The following LRRK2 variants were observed in gnomAD, a reference collection of about 807,000 sequenced individuals.
The protein encoded by LRRK2 is leucine rich repeat kinase 2, also known as leucine-rich repeat serine/threonine-protein kinase 2.
A neutral mutation model predicts 302.6 loss-of-function variants in LRRK2; 203 were observed. The observed-to-expected ratio is 0.67, with a 90% confidence interval of 0.60 to 0.75. The LOEUF (loss-of-function observed/expected upper bound fraction) is 0.75. Ranked by LOEUF, LRRK2 falls within the 30% of genes least tolerant of loss-of-function variation. The pLI, the probability that LRRK2 is intolerant of heterozygous loss-of-function variation, is 0.00. For synonymous variants in LRRK2, 1,066 were observed against 1,031.9 expected (o/e 1.03, Z -0.63); for missense variants, 2,830 against 2,951.0 (o/e 0.96, Z 0.95).
chr12:40,303,641 T>C (rs2136779689), intron 26 of LRRK2, among the ~76,000 whole-genome samples: 1 of 152,200 alleles, frequency 6.6e-6, no homozygotes, highest in African/African-American at 2.4e-5. Context: ...CGTCTAGCTT[T>C]AGAATGTGTT....
intron 18 of LRRK2, among the ~76,000 whole-genome samples, chr12:40,280,789 G>A (rs939815116): frequency 8.6e-5 from 13 of 151,338 alleles, no homozygotes; most frequent in Admixed American, 2.6e-4. Context: ...CCAACCGGTC[G>A]GGTGCGGTGG....
At chr12:40,322,234 T>G (rs1945424401) in intron 36 of LRRK2, 53 bp downstream of exon 36, 36 of 1,568,372 alleles carry the variant, frequency 2.3e-5, no homozygotes, top group Non-Finnish European at 3.0e-5. Context: ...AAATTTAAAC[T>G]TAAAAAAAAA....
At position 40,295,497 on chromosome 12, in the gene LRRK2, T is replaced by C; in HGVS notation, c.2949T>C (p.Tyr983=). The C allele has an allele frequency of 1.2e-6, 2 of 1,613,924 alleles. No individual in the cohort carries two copies. The highest frequency in any genetic ancestry group is 1.7e-6 in the Non-Finnish European group (2 of 1,179,982). Residue 983 remains tyrosine, a synonymous_variant, in exon 23 of 51, where the codon TAT becomes TAC. Transcript: ENST00000298910. ...CTTCTCTGGCTTCTGAGAGAGAATA[T>C]ATTACATCACTAGACCTTTCAGCAA... The part of the protein sequence containing the change: ...SISSLASERE[Y]ITSLDLSANE...
At chr12:40,346,489 G>T (rs888811672) in intron 41 of LRRK2, among the ~76,000 whole-genome samples, 2 of 152,048 alleles carry the variant, frequency 1.3e-5, no homozygotes, top group Non-Finnish European at 2.9e-5. Flanking sequence ...TATCATTCAA[G>T]GTAATTTTAT....
intron 4 of LRRK2, 34 bp from the exon 5 acceptor site, chr12:40,237,935 C>A: frequency 3.1e-6 from 5 of 1,598,742 alleles, no homozygotes; most frequent in Non-Finnish European, 4.3e-6. Context: ...TAAAGCAGCT[C>A]TTTACTCAGA....
chr12:40,319,957 T>C lies in LRRK2; in HGVS notation c.4828-31T>C, dbSNP rs1896252. ...TTTGCAACATTTCAGAAAATAAATTTTAGTGATTATTTATGACTCGAATCT... is the reference window on the plus strand; with the variant it reads ...TTTGCAACATTTCAGAAAATAAATTCTAGTGATTATTTATGACTCGAATCT... On this transcript the variant is annotated intron_variant, in intron 33 of 50. Coordinates refer to ENST00000298910, the MANE Select transcript of LRRK2 (RefSeq NM_198578.4). 0.56 allele frequency: 875,328 copies of C among 1,574,482 alleles called. 245,767 individuals are homozygous for C. Among genetic ancestry groups the C allele is most frequent in the South Asian group, 0.69 (59,625 of 86,672 alleles).
intron 39 of LRRK2, among the ~76,000 whole-genome samples, chr12:40,334,234 C>G (rs79871880): frequency 0.018 from 2,695 of 152,178 alleles, 81 homozygotes; most frequent in African/African-American, 0.061. Context: ...TTTGACGTGG[C>G]CTGTTAGTAT....
At chr12:40,320,291 T>C in intron 34 of LRRK2, 116 bp downstream of exon 34, 1 of 879,544 alleles carries the variant, frequency 1.1e-6, no homozygotes, top group Non-Finnish European at 1.7e-6. Context: ...ATATTTTGCT[T>C]CTAGTGTAAA....
chr12:40,315,336 G>A (rs1322114638), intron 33 of LRRK2, 36 bp downstream of exon 33: 2 of 1,524,988 alleles, frequency 1.3e-6, no homozygotes, highest in Non-Finnish European at 1.8e-6. Flanking sequence ...CGGGGGTTAT[G>A]GTCAAAGCAT....
chr12:40,313,696 TC>T (rs397720986), intron 31 of LRRK2, among the ~76,000 whole-genome samples: 1 of 151,948 alleles, frequency 6.6e-6, no homozygotes, highest in African/African-American at 2.4e-5. Context: ...TGTTTTTTTT[TC>T]CATGGAATTT....
chr12:40,264,842 A>G (rs1942939887), intron 14 of LRRK2, among the ~76,000 whole-genome samples: 1 of 152,222 alleles, frequency 6.6e-6, no homozygotes, highest in Non-Finnish European at 1.5e-5. Context: ...AAATTGTGTA[A>G]TGCAAAAAGT....
chr12:40,340,429 G>T lies in LRRK2; in HGVS notation c.6084G>T (p.Gly2028=), dbSNP rs773715764. Residue 2028 remains glycine, a synonymous_variant, in exon 41 of 51, where the codon GGG becomes GGT. Transcript: ENST00000298910. ...TTGCTCAGTACTGCTGTAGAATGGG[G>T]ATAAAAACATCAGAGGGCACACCAG... ...YGIAQYCCRM[G]IKTSEGTPGF... 3 of 1,613,700 alleles carry T rather than the reference G, an allele frequency of 1.9e-6. No individual in the cohort carries two copies. In the African/African-American group the frequency reaches 4.0e-5, roughly 22 times the overall value.
chr12:40,272,450 G>A (rs1338756688), intron 14 of LRRK2, among the ~76,000 whole-genome samples: 2 of 152,190 alleles, frequency 1.3e-5, no homozygotes, highest in Non-Finnish European at 2.9e-5. Context: ...ACAATAGTGT[G>A]TCGACATCAC....
At chr12:40,261,096 G>A (rs1351876606) in intron 13 of LRRK2, among the ~76,000 whole-genome samples, 1 of 151,934 alleles carries the variant, frequency 6.6e-6, no homozygotes, top group Non-Finnish European at 1.5e-5. Flanking sequence ...ATTGAATCAT[G>A]GTGTCCTATT....
At chr12:40,343,191 C>T (rs1231869571) in intron 41 of LRRK2, among the ~76,000 whole-genome samples, 1 of 152,154 alleles carries the variant, frequency 6.6e-6, no homozygotes, top group African/African-American at 2.4e-5. Context: ...TGTCTGTCCA[C>T]ATTTTGAAGA....
intron 38 of LRRK2, among the ~76,000 whole-genome samples, chr12:40,327,179 A>G (rs1945578969): frequency 6.6e-6 from 1 of 152,158 alleles, no homozygotes; most frequent in Non-Finnish European, 1.5e-5. Context: ...GGGGCTGATC[A>G]TGGTCAGTTT....
intron 14 of LRRK2, among the ~76,000 whole-genome samples, chr12:40,272,308 A>G (rs547774426): frequency 1.3e-5 from 2 of 152,300 alleles, no homozygotes; most frequent in East Asian, 3.9e-4. Flanking sequence ...GGCCTTGAAT[A>G]TCTGAATTTA....
intron 5 of LRRK2, among the ~76,000 whole-genome samples, chr12:40,239,920 C>T (rs1315560264): frequency 1.3e-5 from 2 of 152,134 alleles, no homozygotes; most frequent in African/African-American, 4.8e-5. Flanking sequence ...AACAATGACT[C>T]CAAATGGAAC....
At chr12:40,255,177 T>C (rs2136496891) in intron 11 of LRRK2, among the ~76,000 whole-genome samples, 2 of 152,170 alleles carry the variant, frequency 1.3e-5, no homozygotes, top group East Asian at 3.9e-4. Flanking sequence ...GTTTAAACTG[T>C]AGTAGGGAAG....
Sources: gnomAD v4.1 joint callset for allele counts (sites outside exome capture counted in the v4.1 genomes callset) on GRCh38, gnomAD v4.1.1 for gene constraint, MANE v1.5 for transcripts, NCBI Gene and HGNC (gene_info 2026-07-23, HGNC 2026-07-21) for gene names.